SC5D: variants seen among roughly 807,000 people sequenced by gnomAD.
The protein encoded by SC5D is sterol-C5-desaturase.
In SC5D, 21 loss-of-function variants were observed where a neutral mutation model predicts 23.9. The ratio of observed to expected loss-of-function variants is 0.88; its 90% confidence interval spans 0.62 to 1.26. SC5D has a LOEUF of 1.26. Ranked by LOEUF, SC5D falls within the 50% of genes most tolerant of loss-of-function variation. SC5D has a pLI of 0.00. For synonymous variants in SC5D, 113 were observed against 125.9 expected, an observed-to-expected ratio of 0.90 and a Z score of 0.68; for missense variants, 309 against 364.8, an observed-to-expected ratio of 0.85 and a Z score of 1.25.
Position 121,304,427 on chromosome 11 carries a change from G to T in SC5D, c.277G>T (p.Ala93Ser). ...GCCATGGATAAGTATTCTTACTGTTGCACTGTTCTTGCTGGAGATAAGAGG... is the reference window on the plus strand; with the variant it reads ...GCCATGGATAAGTATTCTTACTGTTTCACTGTTCTTGCTGGAGATAAGAGG... ...ALPWISILTVALFLLEIRGYS... is the reference protein window; with the variant it reads ...ALPWISILTVSLFLLEIRGYS... Residue 93 changes from alanine (A) to serine (S), a missense_variant, in exon 3 of 5, where the codon GCA (alanine) becomes TCA (serine). Ala to Ser is a moderately conservative substitution (Grantham distance 99). Coordinates refer to ENST00000264027, the MANE Select transcript of SC5D (RefSeq NM_006918.5). The T allele has an allele frequency of 6.2e-7, 1 of 1,612,362 alleles. No individual in the cohort carries two copies. Among genetic ancestry groups the T allele is most frequent in the Non-Finnish European group, 8.5e-7 (1 of 1,178,550 alleles).
intron 2 of SC5D, 41 bp downstream of exon 2, chr11:121,303,626 AAAT>A: frequency 1.4e-6 from 2 of 1,444,124 alleles, no homozygotes; most frequent in Non-Finnish European, 1.9e-6. Flanking sequence ...ATTAAAGTAA[AAAT>A]AACAATATGA....
At chr11:121,304,594 A>G (rs997202804) in intron 3 of SC5D, 101 bp downstream of exon 3, 2 of 995,670 alleles carry the variant, frequency 2.0e-6, no homozygotes, top group East Asian at 2.5e-5. Context: ...TTTTAAAATA[A>G]TTACAAATTA....
rs1204134692 is a variant in SC5D at position 121,308,950 on chromosome 11, T to C, written c.*1438T>C. On this transcript the variant is annotated 3_prime_UTR_variant, in exon 5 of 5. Transcript: ENST00000264027. Reference sequence around the variant, plus strand: ...ATTAGCATTTTGTAATAGGCAAATGTCATTTAGTGCTTTTCACCAATCCCA... The same window carrying C: ...ATTAGCATTTTGTAATAGGCAAATGCCATTTAGTGCTTTTCACCAATCCCA... Among the ~76,000 whole-genome samples the C allele has an allele frequency of 1.3e-5, 2 of 152,262 alleles. No individual in the cohort carries two copies. The highest frequency in any genetic ancestry group is 2.9e-5 in the Non-Finnish European group (2 of 68,046).
intron 1 of SC5D, 136 bp from the exon 2 acceptor site, chr11:121,303,230 G>C: frequency 1.5e-6 from 1 of 684,324 alleles, no homozygotes; most frequent in Non-Finnish European, 2.6e-6. Context: ...ATGGCATGTA[G>C]GGGATTCTGA....
In SC5D at chr11:121,311,638, A is replaced by C. The variant is rs1367200443; in HGVS notation, c.*4126A>C. Among the ~76,000 whole-genome samples, 1 of 152,238 alleles carries C rather than the reference A, an allele frequency of 6.6e-6. No individual in the cohort carries two copies. The highest frequency in any genetic ancestry group is 1.5e-5 in the Non-Finnish European group (1 of 68,034). ...AAAGGACAAACTTAGGTTAATCTATAACTTCATCTCAGAGGAACAGGAACT... is the reference window on the plus strand; with the variant it reads ...AAAGGACAAACTTAGGTTAATCTATCACTTCATCTCAGAGGAACAGGAACT... On this transcript the variant is annotated 3_prime_UTR_variant, in exon 5 of 5. Transcript: ENST00000264027.
chr11:121,299,120 G>T (rs1344156275), intron 1 of SC5D, among the ~76,000 whole-genome samples: 1 of 152,214 alleles, frequency 6.6e-6, no homozygotes, highest in Admixed American at 6.5e-5. Flanking sequence ...TGACTATATT[G>T]TGAACACAGA....
Position 121,312,671 on chromosome 11 carries a change from T to C in SC5D, c.*5159T>C, listed in dbSNP as rs1948019969. On this transcript the variant is annotated 3_prime_UTR_variant, in exon 5 of 5. Coordinates refer to ENST00000264027, the MANE Select transcript of SC5D (RefSeq NM_006918.5). ...TGAATAATTTTGTTATATCTTCCTC[T>C]TTTAGGCTGCAATGAGCTATAATTG... 6.6e-6 allele frequency among the ~76,000 whole-genome samples: 1 copy of C among 152,140 alleles called. No homozygotes were observed. Among genetic ancestry groups the C allele is most frequent in the South Asian group, 2.1e-4 (1 of 4,832 alleles).
chr11:121,312,667 C>T lies in SC5D; in HGVS notation c.*5155C>T, dbSNP rs1040883181. 1.9e-4 allele frequency among the ~76,000 whole-genome samples: 29 copies of T among 152,090 alleles called. No homozygotes were observed. Among genetic ancestry groups the T allele is most frequent in the Admixed American group, 6.6e-5 (1 of 15,266 alleles). The stretch of plus-strand genomic sequence containing the variant: ...TTCTTGAATAATTTTGTTATATCTT[C>T]CTCTTTTAGGCTGCAATGAGCTATA... On this transcript the variant is annotated 3_prime_UTR_variant, in exon 5 of 5. Coordinates refer to ENST00000264027, the MANE Select transcript of SC5D (RefSeq NM_006918.5).
intron 1 of SC5D, among the ~76,000 whole-genome samples, chr11:121,302,487 C>T (rs545075173): frequency 7.9e-5 from 12 of 152,282 alleles, no homozygotes; most frequent in African/African-American, 2.9e-4. Context: ...TAAATATGTA[C>T]TGAACTGACT....
At chr11:121,293,439 T>C (rs1219108822) in intron 1 of SC5D, among the ~76,000 whole-genome samples, 2 of 152,150 alleles carry the variant, frequency 1.3e-5, no homozygotes, top group African/African-American at 4.8e-5. Context: ...CCTCTGTTGC[T>C]GCGGCGTAAT....
intron 1 of SC5D, among the ~76,000 whole-genome samples, chr11:121,297,381 G>A (rs1350840089): frequency 1.3e-5 from 2 of 152,132 alleles, no homozygotes; most frequent in Non-Finnish European, 2.9e-5. Context: ...TCACAGAAAT[G>A]GACACAGGTC....
chr11:121,304,851 GCTT>G, intron 3 of SC5D: 1 of 254,256 alleles, frequency 3.9e-6, no homozygotes, highest in South Asian at 4.5e-5. Flanking sequence ...GCATTATTCT[GCTT>G]CTTAGAAACT....
rs188045890 is a variant in SC5D at position 121,306,577 on chromosome 11, T to G, written c.444+91T>G. 4.0e-5 allele frequency: 30 copies of G among 749,034 alleles called. No individual in the cohort carries two copies. The East Asian group carries it at 7.8e-4, about 20-fold the overall frequency. 46.4% of individuals were successfully genotyped at this position (749,034 alleles called of 1,614,324 possible). A position where few individuals can be genotyped will look rare whatever the true frequency, so the allele number is the denominator to read the frequency against. On this transcript the variant is annotated intron_variant, in intron 4 of 4. Transcript: ENST00000264027. The stretch of plus-strand genomic sequence containing the variant: ...CTGTTCTCTATTTCCAAGAATTTCC[T>G]CTACCCATATTAAATGTCTAAGTAG...
intron 1 of SC5D, among the ~76,000 whole-genome samples, chr11:121,298,369 C>T (rs1196482873): frequency 6.6e-6 from 1 of 152,132 alleles, no homozygotes; most frequent in African/African-American, 2.4e-5. Flanking sequence ...TTAAGGGAGG[C>T]CTAGGAATCA....
At position 121,312,179 on chromosome 11, in the gene SC5D, T is replaced by A. The variant is rs1948015861; in HGVS notation, c.*4667T>A. On this transcript the variant is annotated 3_prime_UTR_variant, in exon 5 of 5. Transcript: ENST00000264027. Reference sequence around the variant, plus strand: ...TACCTTCCTTGAAAAGCAGAATAAATTTTTTAAAGGCAGGAAGGAAGTGTT... The same window carrying A: ...TACCTTCCTTGAAAAGCAGAATAAAATTTTTAAAGGCAGGAAGGAAGTGTT... 6.6e-6 allele frequency among the ~76,000 whole-genome samples: 1 copy of A among 152,166 alleles called. No individual in the cohort carries two copies. Among genetic ancestry groups the A allele is most frequent in the Non-Finnish European group, 1.5e-5 (1 of 67,994 alleles).
intron 2 of SC5D, chr11:121,303,924 C>A (rs1947943586): frequency 3.9e-6 from 1 of 254,220 alleles, no homozygotes; most frequent in Non-Finnish European, 7.6e-6. Context: ...GTTTTTTTAC[C>A]ATGTTTTGTT....
intron 3 of SC5D, 50 bp from the exon 4 acceptor site, chr11:121,306,336 A>C (rs1283976732): frequency 1.1e-6 from 1 of 920,300 alleles, no homozygotes; most frequent in Non-Finnish European, 1.8e-6. Context: ...AGTGAACTCT[A>C]ATCCCAGGAG....
chr11:121,303,788 A>AT, intron 2 of SC5D: 1 of 554,636 alleles, frequency 1.8e-6, no homozygotes, highest in Non-Finnish European at 3.2e-6. Context: ...TTTTAATAAA[A>AT]CTATAAGTCT....
At chr11:121,300,131 G>A (rs954324468) in intron 1 of SC5D, among the ~76,000 whole-genome samples, 2 of 152,094 alleles carry the variant, frequency 1.3e-5, no homozygotes, top group Admixed American at 6.5e-5. Context: ...TTTATAAAAA[G>A]CAACAAAACA....
Sources: gnomAD v4.1 joint callset for allele counts (sites outside exome capture counted in the v4.1 genomes callset) on GRCh38, gnomAD v4.1.1 for gene constraint, MANE v1.5 for transcripts, NCBI Gene and HGNC (gene_info 2026-07-23, HGNC 2026-07-21) for gene names.